Variants in ATAD2B observed in about 807,000 individuals in gnomAD.
ATAD2B encodes the protein ATPase family AAA domain containing 2B.
A neutral mutation model predicts 167.6 loss-of-function variants in ATAD2B; 40 were observed. That is an observed-to-expected ratio of 0.24 (90% CI 0.19 to 0.31). The LOEUF (loss-of-function observed/expected upper bound fraction) is 0.31, where lower values mean the gene tolerates loss of function less well. Ranked by LOEUF, ATAD2B falls within the 10% of genes least tolerant of loss-of-function variation. The probability of loss-of-function intolerance (pLI) is 1.00; values close to 1 mark genes in which losing one functional copy is unlikely to be tolerated. For synonymous variants in ATAD2B, 579 were observed against 596.5 expected, an observed-to-expected ratio of 0.97 and a Z score of 0.43; for missense variants, 1,242 against 1,757.2, an observed-to-expected ratio of 0.71 and a Z score of 5.24.
At position 23,806,449 on chromosome 2, in the gene ATAD2B, A is replaced by G. The variant is rs1420620276; in HGVS notation, c.2454+3867T>C. 2.0e-5 allele frequency among the ~76,000 whole-genome samples: 3 copies of G among 152,214 alleles called. No individual in the cohort carries two copies. The East Asian group carries it at 5.8e-4, about 29-fold the overall frequency. On this transcript the variant is annotated intron_variant, in intron 18 of 27. Transcript: ENST00000238789. ...TCTATTACTTTGTCTACTCTTGCAC[A>G]GGCATACTTTCTTTATTACTGTAAC... is the stretch of plus-strand genomic sequence containing the variant.
chr2:23,699,208 T>G, the ATAD2B span, among the ~76,000 whole-genome samples: 1 of 152,196 alleles, frequency 6.6e-6, no homozygotes, highest in Non-Finnish European at 1.5e-5. Context: ...GGCTCTGGGC[T>G]GTGACTGAGT....
the ATAD2B span, among the ~76,000 whole-genome samples, chr2:23,709,588 A>G: frequency 6.6e-6 from 1 of 151,504 alleles, no homozygotes; most frequent in South Asian, 2.1e-4. Flanking sequence ...CCATGTGAAG[A>G]GCCTCACACC....
the ATAD2B span, among the ~76,000 whole-genome samples, chr2:23,732,423 A>G: frequency 6.6e-6 from 1 of 152,216 alleles, no homozygotes; most frequent in Non-Finnish European, 1.5e-5. Flanking sequence ...TGGTGGTTAC[A>G]TTTAGAGGAA....
At chr2:23,907,384 T>A (rs1224217533) in intron 1 of ATAD2B, among the ~76,000 whole-genome samples, 2 of 151,820 alleles carry the variant, frequency 1.3e-5, no homozygotes, top group Non-Finnish European at 1.5e-5. Context: ...TCAAAGAGAA[T>A]AAAATACCTA....
intron 1 of ATAD2B, among the ~76,000 whole-genome samples, chr2:23,914,392 A>C (rs972974255): frequency 5.3e-5 from 8 of 152,184 alleles, no homozygotes; most frequent in African/African-American, 1.9e-4. Flanking sequence ...CCAGTAGAAA[A>C]TAGCAAAATG....
At chr2:23,760,769 C>CA (rs74313352) in intron 24 of ATAD2B, among the ~76,000 whole-genome samples, 29 of 54,376 alleles carry the variant, frequency 5.3e-4, no homozygotes, top group Non-Finnish European at 1.1e-3. Context: ...CACACACACA[C>CA]ACCACTTCCT....
intron 22 of ATAD2B, among the ~76,000 whole-genome samples, chr2:23,770,666 T>A (rs1250434342): frequency 1.3e-5 from 2 of 152,248 alleles, no homozygotes; most frequent in African/African-American, 2.4e-5. Flanking sequence ...TATGTGTGCA[T>A]CTATTTCAGG....
At chr2:23,686,708 C>T in the ATAD2B span, among the ~76,000 whole-genome samples, 8 of 152,200 alleles carry the variant, frequency 5.3e-5, no homozygotes, top group Admixed American at 1.3e-4. Flanking sequence ...GCCTGACGGA[C>T]GCCCAGGTCC....
the ATAD2B span, among the ~76,000 whole-genome samples, chr2:23,710,531 G>C: frequency 6.6e-6 from 1 of 152,186 alleles, no homozygotes; most frequent in Non-Finnish European, 1.5e-5. Flanking sequence ...CGGGTATCAG[G>C]AGCCACAGAA....
chr2:23,862,350 C>A (rs1339055313), intron 12 of ATAD2B, among the ~76,000 whole-genome samples: 27 of 150,500 alleles, frequency 1.8e-4, no homozygotes, highest in Non-Finnish European at 1.5e-5. Flanking sequence ...CAAATATGAA[C>A]AGCATCCTTC....
downstream of ATAD2B, among the ~76,000 whole-genome samples, chr2:23,748,280 T>C (rs138810900): frequency 2.0e-5 from 3 of 152,258 alleles, no homozygotes; most frequent in African/African-American, 7.2e-5. Flanking sequence ...TCTCTGTCCA[T>C]ATTATGTGCT....
chr2:23,818,127 CACACACACACACACAG>C (rs1686799266), intron 17 of ATAD2B, among the ~76,000 whole-genome samples: 6 of 134,410 alleles, frequency 4.5e-5, no homozygotes, highest in African/African-American at 1.6e-4. Flanking sequence ...ACACATTACA[CACACACACACACACAG>C]AGAGAGAGAA....
At chr2:23,918,838 T>C (rs940433235) in intron 1 of ATAD2B, among the ~76,000 whole-genome samples, 1 of 152,194 alleles carries the variant, frequency 6.6e-6, no homozygotes, top group Non-Finnish European at 1.5e-5. Flanking sequence ...ATTTAAATAT[T>C]ACCTTTAGCC....
intron 22 of ATAD2B, among the ~76,000 whole-genome samples, chr2:23,773,569 A>G (rs1376265326): frequency 2.0e-5 from 3 of 152,218 alleles, no homozygotes; most frequent in Non-Finnish European, 4.4e-5. Flanking sequence ...CTGCACATGA[A>G]TATAATTTTG....
the ATAD2B span, among the ~76,000 whole-genome samples, chr2:23,700,804 C>A: frequency 6.6e-6 from 1 of 152,184 alleles, no homozygotes; most frequent in Non-Finnish European, 1.5e-5. The surrounding 1 kb of genome is among the most constrained non-coding windows in gnomAD (Gnocchi z 4.6). Flanking sequence ...GCTGGAGATT[C>A]CATCCTCCAT....
the ATAD2B span, chr2:23,706,337 A>T: frequency 1.8e-6 from 1 of 569,236 alleles, no homozygotes; most frequent in Non-Finnish European, 2.8e-6. Flanking sequence ...AGCCCAGGTT[A>T]GAGGGCAAAG....
At chr2:23,740,644 G>C in the ATAD2B span, among the ~76,000 whole-genome samples, 5 of 152,148 alleles carry the variant, frequency 3.3e-5, no homozygotes, top group Admixed American at 6.5e-5. Flanking sequence ...ACTGGCACAA[G>C]ACAGGGATGC....
chr2:23,905,067 G>C (rs1323343659), intron 1 of ATAD2B, among the ~76,000 whole-genome samples: 1 of 152,114 alleles, frequency 6.6e-6, no homozygotes, highest in Admixed American at 6.5e-5. Context: ...AAAATACATA[G>C]AAGCGACCTG....
In ATAD2B at chr2:23,926,783, G is replaced by T; in HGVS notation, c.-13C>A. 6.6e-7 allele frequency: 1 copy of T among 1,513,430 alleles called. No homozygotes were observed. Among genetic ancestry groups the T allele is most frequent in the Non-Finnish European group, 8.9e-7 (1 of 1,128,648 alleles). The allele number at this position is 1,513,430 out of a possible 1,614,324, so 93.8% of individuals were successfully genotyped here. On this transcript the variant is annotated 5_prime_UTR_variant, in exon 1 of 28. Coordinates refer to ENST00000238789, the MANE Select transcript of ATAD2B (RefSeq NM_017552.4). Reference sequence around the variant, plus strand: ...GGGTGTTCACCATGGTCCAGCCAGGGGGACGGAGTCCACGCCGCGCCCGGG... The same window carrying T: ...GGGTGTTCACCATGGTCCAGCCAGGTGGACGGAGTCCACGCCGCGCCCGGG...
Sources: allele counts gnomAD v4.1 joint callset (sites outside exome capture counted in the v4.1 genomes callset), GRCh38; gene constraint gnomAD v4.1.1; non-coding constraint Gnocchi (gnomAD v3.1); transcripts MANE v1.5; gene names NCBI Gene and HGNC (gene_info 2026-07-23, HGNC 2026-07-21).